POC1B: variants seen among roughly 807,000 people sequenced by gnomAD.
POC1B encodes the protein POC1 centriolar protein B.
POC1B carries 44 observed loss-of-function variants against 60.6 expected under a neutral mutation model. The observed-to-expected ratio is 0.73, with a 90% CI of 0.57 to 0.93. The LOEUF is 0.93. POC1B is among the 40% of genes least tolerant of loss of function. The pLI is 0.00. For missense variants in POC1B, 555 were observed against 572.3 expected (o/e 0.97, Z 0.31); for synonymous variants, 180 against 198.9 (o/e 0.90, Z 0.80).
chr12:89,511,013 C>T (rs904446533), intron 2 of POC1B, among the ~76,000 whole-genome samples: 1 of 151,906 alleles, frequency 6.6e-6, no homozygotes, highest in Non-Finnish European at 1.5e-5. Context: ...CTTCGGCCCC[C>T]CAAAGTGCTG....
At chr12:89,464,483 GT>G (rs766668019) in intron 9 of POC1B, among the ~76,000 whole-genome samples, 4,563 of 94,452 alleles carry the variant, frequency 0.048, 25 homozygotes, top group African/African-American at 0.073. Flanking sequence ...TTTTATAAGA[GT>G]TTTTTTTTTT....
At chr12:89,523,733 G>T (rs1356626823) in intron 2 of POC1B, 1 of 1,547,952 alleles carries the variant, frequency 6.5e-7, no homozygotes, top group Non-Finnish European at 8.7e-7. Context: ...CCAATCATGG[G>T]CTCCCCTATC....
intron 2 of POC1B, chr12:89,500,747 G>A: frequency 9.4e-7 from 1 of 1,064,396 alleles, no homozygotes; most frequent in Non-Finnish European, 1.4e-6. Context: ...AAAGAAAATA[G>A]AAATAGATAG....
At chr12:89,509,980 G>C (rs1405268274) in intron 2 of POC1B, among the ~76,000 whole-genome samples, 1 of 151,496 alleles carries the variant, frequency 6.6e-6, no homozygotes, top group Non-Finnish European at 1.5e-5. Context: ...CAAGTAGCTG[G>C]GATTACAAGC....
chr12:89,524,559 CAG>C, intron 2 of POC1B: 1 of 1,610,874 alleles, frequency 6.2e-7, no homozygotes, highest in East Asian at 2.2e-5. Flanking sequence ...TCCGGATTCT[CAG>C]GGCTGAGGCG....
intron 4 of POC1B, among the ~76,000 whole-genome samples, chr12:89,479,633 T>C (rs969014727): frequency 2.0e-5 from 3 of 152,252 alleles, no homozygotes; most frequent in Non-Finnish European, 2.9e-5. Flanking sequence ...CCTCTTACAC[T>C]AATGGGCACC....
At chr12:89,427,126 A>T (rs927694611) in intron 10 of POC1B, 2 of 152,218 alleles carry the variant, frequency 1.3e-5, no homozygotes, top group Non-Finnish European at 2.9e-5. Flanking sequence ...AAGGACTCAT[A>T]CTTCCAAATT....
chr12:89,405,246 T>C, the POC1B span, among the ~76,000 whole-genome samples: 1 of 151,156 alleles, frequency 6.6e-6, no homozygotes, highest in South Asian at 2.1e-4. Context: ...AAATATGATA[T>C]AGTCCCCTAT....
At chr12:89,437,840 G>C (rs1269284733) in intron 10 of POC1B, among the ~76,000 whole-genome samples, 1 of 150,564 alleles carries the variant, frequency 6.6e-6, no homozygotes. Flanking sequence ...CTGAGGTCAG[G>C]AGTTTGAGAC....
chr12:89,500,916 C>A, intron 2 of POC1B: 1 of 998,106 alleles, frequency 1.0e-6, no homozygotes, highest in Non-Finnish European at 1.5e-6. Flanking sequence ...AACAGTAAAA[C>A]GAAAAAGTGA....
intron 2 of POC1B, chr12:89,524,641 C>G (rs1871255910): frequency 1.5e-6 from 2 of 1,346,368 alleles, no homozygotes; most frequent in Non-Finnish European, 2.1e-6. Context: ...CAGGTACTTC[C>G]CAGCAGGTTC....
intron 4 of POC1B, among the ~76,000 whole-genome samples, chr12:89,489,680 C>T (rs1868845605): frequency 6.6e-6 from 1 of 152,136 alleles, no homozygotes; most frequent in Non-Finnish European, 1.5e-5. Context: ...TGGCTGGGGA[C>T]ACCTGGCATG....
intron 2 of POC1B, chr12:89,524,321 A>C: frequency 6.2e-7 from 1 of 1,613,564 alleles, no homozygotes; most frequent in Non-Finnish European, 8.5e-7. Context: ...GCTTTCCCCC[A>C]CTCCCCAAGT....
At position 89,491,990 on chromosome 12, in the gene POC1B, C is replaced by G. The variant is rs142363256; in HGVS notation, c.398G>C (p.Arg133Pro). The G allele has an allele frequency of 6.2e-7, 1 of 1,600,712 alleles. No individual in the cohort carries two copies. Among genetic ancestry groups the G allele is most frequent in the Admixed American group, 1.8e-5 (1 of 56,500 alleles). The change falls in exon 4 of 12, where the codon CGC becomes CCC. Residue 133 changes from arginine (R) to proline (P), a missense_variant. Coordinates refer to ENST00000313546, the MANE Select transcript of POC1B (RefSeq NM_172240.3). ...ATACAAGGAATACAGGAAGCGCTGG[C>G]GATACATGCTCCATACTTTTATGGA... ...DKSIKVWSMY[R>P]QRFLYSLYRH...
At chr12:89,511,335 G>T (rs1335992967) in intron 2 of POC1B, among the ~76,000 whole-genome samples, 7 of 151,506 alleles carry the variant, frequency 4.6e-5, no homozygotes, top group Admixed American at 1.3e-4. Context: ...GGAATCGCTT[G>T]ACTCCGGGAG....
chr12:89,445,709 T>C (rs111495141), intron 10 of POC1B, among the ~76,000 whole-genome samples: 4,211 of 152,254 alleles, frequency 0.028, 163 homozygotes, highest in African/African-American at 0.09. Context: ...AAGGACTTCA[T>C]GTCTAAAACA....
At chr12:89,501,418 A>C in intron 2 of POC1B, 1 of 1,000,882 alleles carries the variant, frequency 1.0e-6, no homozygotes, top group Non-Finnish European at 1.6e-6. Flanking sequence ...TGTGGGACAG[A>C]CTAAAGATGA....
rs1023888120 is a variant in POC1B, at chr12:89,502,586, A to G, written c.101-5244T>C. The G allele has an allele frequency of 4.6e-5, 57 of 1,229,214 alleles. 1 individual carries two copies. The highest frequency in any genetic ancestry group is 1.5e-4 in the Admixed American group (8 of 53,404). The allele number at this position is 1,229,214 out of a possible 1,614,324, so 76.1% of individuals were successfully genotyped here. A position where few individuals can be genotyped will look rare whatever the true frequency, so the allele number is the denominator to read the frequency against. The stretch of plus-strand genomic sequence containing the variant: ...TCTTGGAGATCCTTTGCAGCCAGCA[A>G]TGGTAAAGGACCCAGAAACAAGAGA... On this transcript the variant is annotated intron_variant, in intron 2 of 11. Transcript: ENST00000313546.
chr12:89,473,891 G>A (rs898288786), intron 4 of POC1B, among the ~76,000 whole-genome samples: 4 of 151,738 alleles, frequency 2.6e-5, no homozygotes, highest in African/African-American at 9.7e-5. Flanking sequence ...GTATCCCCAC[G>A]GATAAACTTG....
Sources: allele counts gnomAD v4.1 joint callset (sites outside exome capture counted in the v4.1 genomes callset), GRCh38; gene constraint gnomAD v4.1.1; transcripts MANE v1.5; gene names NCBI Gene and HGNC (gene_info 2026-07-23, HGNC 2026-07-21).